The following OPHN1 variants were observed in gnomAD, a reference collection of about 807,000 sequenced individuals.
The protein encoded by OPHN1 is oligophrenin 1, also known as oligophrenin-1.
OPHN1 carries 11 observed loss-of-function variants against 60.7 expected under a neutral mutation model. The ratio of observed to expected loss-of-function variants is 0.18; its 90% CI spans 0.11 to 0.30. The LOEUF (loss-of-function observed/expected upper bound fraction) is 0.30, where lower values mean the gene tolerates loss of function less well. Ranked by LOEUF, OPHN1 falls within the 10% of genes least tolerant of loss-of-function variation. OPHN1 has a pLI of 1.00. For missense variants in OPHN1, 449 were observed against 611.0 expected, an observed-to-expected ratio of 0.73 and a Z score of 2.80; for synonymous variants, 226 against 222.6, an observed-to-expected ratio of 1.02 and a Z score of -0.14.
At chrX:68,199,950 A>G (rs958322284) in intron 11 of OPHN1, among the ~76,000 whole-genome samples, 2 of 111,812 alleles carry the variant, frequency 1.8e-5, no homozygotes, top group African/African-American at 6.5e-5. Context: ...AGTCCCAGCT[A>G]CTCAGGAGGC....
chrX:68,072,627 G>A (rs1289007800), intron 20 of OPHN1, among the ~76,000 whole-genome samples: 2 of 111,263 alleles, frequency 1.8e-5, no homozygotes, highest in African/African-American at 6.5e-5. Flanking sequence ...TGACAAAAAT[G>A]GTCTTAGTGG....
intron 19 of OPHN1, among the ~76,000 whole-genome samples, chrX:68,074,627 A>G (rs2076947045): frequency 9.0e-6 from 1 of 111,672 alleles, no homozygotes; most frequent in South Asian, 3.8e-4. Flanking sequence ...CTTCCAGGTC[A>G]ATATATTTAA....
chrX:68,224,890 A>G (rs1045369653), intron 6 of OPHN1, among the ~76,000 whole-genome samples: 2 of 112,311 alleles, frequency 1.8e-5, no homozygotes, highest in African/African-American at 3.2e-5. Flanking sequence ...CAGTGGGTGC[A>G]GCCCACAGAG....
intron 2 of OPHN1, among the ~76,000 whole-genome samples, chrX:68,407,275 TG>T (rs1417198893): frequency 8.9e-6 from 1 of 112,332 alleles, no homozygotes; most frequent in East Asian, 2.8e-4. Context: ...TCGACAGACC[TG>T]GGTTCTAGCC....
intron 2 of OPHN1, among the ~76,000 whole-genome samples, chrX:68,314,485 C>A (rs2078189246): frequency 9.1e-6 from 1 of 109,706 alleles, no homozygotes; most frequent in South Asian, 4.0e-4. Flanking sequence ...CGTGCTATTG[C>A]ACTCCAGCCT....
At chrX:68,048,681 C>T (rs775094016) in intron 23 of OPHN1, among the ~76,000 whole-genome samples, 11 of 112,181 alleles carry the variant, frequency 9.8e-5, no homozygotes, top group Non-Finnish European at 1.7e-4. Flanking sequence ...GGTGCCAGAA[C>T]AATTCTCTGA....
chrX:68,327,788 TA>T (rs1426696978), intron 2 of OPHN1, among the ~76,000 whole-genome samples: 4 of 47,029 alleles, frequency 8.5e-5, no homozygotes, highest in East Asian at 6.3e-4. Flanking sequence ...AAATAAAAAA[TA>T]AAAAAAATAA....
At chrX:68,370,783 A>G (rs2078524158) in intron 2 of OPHN1, among the ~76,000 whole-genome samples, 1 of 111,593 alleles carries the variant, frequency 9.0e-6, no homozygotes, top group South Asian at 3.8e-4. Context: ...TGTATTTTAT[A>G]AGTGTGAAGT....
chrX:68,270,255 T>C (rs1469498649), intron 5 of OPHN1, among the ~76,000 whole-genome samples: 3 of 110,986 alleles, frequency 2.7e-5, no homozygotes, highest in African/African-American at 9.9e-5. Flanking sequence ...ACCCAAAGGA[T>C]TATAAGTCAT....
At chrX:68,376,986 G>A (rs1049623973) in intron 2 of OPHN1, among the ~76,000 whole-genome samples, 7 of 105,163 alleles carry the variant, frequency 6.7e-5, no homozygotes, top group Admixed American at 3.1e-4. Flanking sequence ...CTGGAATGCA[G>A]TGGCACGATC....
intron 21 of OPHN1, among the ~76,000 whole-genome samples, chrX:68,063,520 CAA>C (rs750825620): frequency 9.9e-5 from 5 of 50,544 alleles, no homozygotes; most frequent in Non-Finnish European, 3.7e-5. Context: ...GACTCCGTCT[CAA>C]AAAAAAAAAA....
chrX:68,245,761 ACTG>A (rs1310194680), intron 5 of OPHN1, among the ~76,000 whole-genome samples: 5 of 112,263 alleles, frequency 4.5e-5, no homozygotes, highest in African/African-American at 1.3e-4. Context: ...GCCCTCTATA[ACTG>A]GATCATATTT....
chrX:68,343,486 GA>G (rs1233181390), intron 2 of OPHN1, among the ~76,000 whole-genome samples: 3 of 106,087 alleles, frequency 2.8e-5, no homozygotes, highest in South Asian at 4.1e-4. Context: ...TCTGTCAAAC[GA>G]AAAAAAAATA....
At chrX:68,232,390 C>G (rs1309198061) in intron 6 of OPHN1, among the ~76,000 whole-genome samples, 1 of 111,375 alleles carries the variant, frequency 9.0e-6, no homozygotes, top group Admixed American at 9.6e-5. Flanking sequence ...TAGGTAAAAG[C>G]TTCCAAAAGA....
At chrX:68,163,352 A>C (rs1463229872) in intron 15 of OPHN1, among the ~76,000 whole-genome samples, 7 of 110,216 alleles carry the variant, frequency 6.4e-5, no homozygotes, top group Non-Finnish European at 1.3e-4. Flanking sequence ...TTTTGGGCTA[A>C]TATCATTATG....
At chrX:68,322,514 C>T (rs886313266) in intron 2 of OPHN1, among the ~76,000 whole-genome samples, 6 of 111,720 alleles carry the variant, frequency 5.4e-5, no homozygotes, top group Admixed American at 1.9e-4. Context: ...TAGCTGGGCA[C>T]GGTGGCTCAT....
At chrX:68,280,138 T>G (rs184794460) in intron 4 of OPHN1, among the ~76,000 whole-genome samples, 1 of 111,774 alleles carries the variant, frequency 8.9e-6, no homozygotes, top group African/African-American at 3.3e-5. Flanking sequence ...ACCACACATA[T>G]TGGTCTCTTC....
chrX:68,138,023 T>C (rs2077228104), intron 15 of OPHN1, among the ~76,000 whole-genome samples: 1 of 112,138 alleles, frequency 8.9e-6, no homozygotes. Flanking sequence ...TGGAAATATC[T>C]ATCTCATATT....
At chrX:68,171,660 C>T (rs1044734478) in intron 15 of OPHN1, among the ~76,000 whole-genome samples, 4 of 110,133 alleles carry the variant, frequency 3.6e-5, no homozygotes, top group African/African-American at 9.9e-5. Context: ...CACTTGAACC[C>T]GGGAGGTGGA....
Sources: gnomAD v4.1 joint callset for allele counts (sites outside exome capture counted in the v4.1 genomes callset) on GRCh38, gnomAD v4.1.1 for gene constraint, MANE v1.5 for transcripts, NCBI Gene and HGNC (gene_info 2026-07-23, HGNC 2026-07-21) for gene names.